TEC: variants seen among roughly 807,000 people sequenced by gnomAD.
TEC encodes tec protein tyrosine kinase.
TEC carries 72 observed loss-of-function variants against 93.0 expected under a neutral mutation model. The ratio of observed to expected loss-of-function variants is 0.77; its 90% CI spans 0.64 to 0.94. The LOEUF (loss-of-function observed/expected upper bound fraction) is 0.94. Among genes scored for constraint, TEC ranks in the 40% least tolerant of loss-of-function variants. The pLI is 0.00. For synonymous variants in TEC, 249 were observed against 247.7 expected, an observed-to-expected ratio of 1.01 and a Z score of -0.05; for missense variants, 630 against 757.9, an observed-to-expected ratio of 0.83 and a Z score of 1.98.
chr4:48,168,947 A>G (rs567985819), intron 5 of TEC, among the ~76,000 whole-genome samples: 1 of 152,336 alleles, frequency 6.6e-6, no homozygotes, highest in South Asian at 2.1e-4. Context: ...AATCATGACA[A>G]CACTGAGAAA....
chr4:48,231,768 A>G (rs1723654556), intron 1 of TEC, among the ~76,000 whole-genome samples: 1 of 152,144 alleles, frequency 6.6e-6, no homozygotes, highest in Non-Finnish European at 1.5e-5. Context: ...AAAAAAAACA[A>G]CAAAGAATGG....
intron 7 of TEC, among the ~76,000 whole-genome samples, chr4:48,164,941 T>C (rs2109538110): frequency 6.6e-6 from 1 of 151,664 alleles, no homozygotes; most frequent in Non-Finnish European, 1.5e-5. Context: ...AGGCGGAGGT[T>C]GAAATGAGCC....
At chr4:48,250,807 C>T (rs564220698) in intron 1 of TEC, among the ~76,000 whole-genome samples, 1 of 152,292 alleles carries the variant, frequency 6.6e-6, no homozygotes, top group African/African-American at 2.4e-5. Flanking sequence ...CATGGGCAAG[C>T]CCAGTTAAGA....
intron 2 of TEC, among the ~76,000 whole-genome samples, chr4:48,225,682 C>T (rs1450642639): frequency 6.6e-6 from 1 of 151,906 alleles, no homozygotes; most frequent in Non-Finnish European, 1.5e-5. Flanking sequence ...TTTAAGAAGC[C>T]AGATTCTTAC....
intron 1 of TEC, among the ~76,000 whole-genome samples, chr4:48,253,653 C>A (rs2109671833): frequency 6.8e-6 from 1 of 147,906 alleles, no homozygotes; most frequent in East Asian, 2.0e-4. Flanking sequence ...CTTACTGCAA[C>A]CTCCTCCACC....
chr4:48,202,887 A>T (rs1471527726), intron 2 of TEC, among the ~76,000 whole-genome samples: 1 of 152,240 alleles, frequency 6.6e-6, no homozygotes, highest in Non-Finnish European at 1.5e-5. Flanking sequence ...TCCTAACTAT[A>T]GAAAAGAACA....
chr4:48,160,950 C>A (rs1194237577), intron 8 of TEC, among the ~76,000 whole-genome samples: 1 of 150,684 alleles, frequency 6.6e-6, no homozygotes, highest in Non-Finnish European at 1.5e-5. Context: ...GAGGCTAATA[C>A]CTTTTGATGA....
chr4:48,184,297 A>C (rs575733550), intron 2 of TEC, among the ~76,000 whole-genome samples: 1 of 152,362 alleles, frequency 6.6e-6, no homozygotes, highest in Admixed American at 6.5e-5. Context: ...ACCTATACCT[A>C]AGTAACTTGG....
At chr4:48,201,345 G>T (rs1401721763) in intron 2 of TEC, among the ~76,000 whole-genome samples, 1 of 152,142 alleles carries the variant, frequency 6.6e-6, no homozygotes, top group Non-Finnish European at 1.5e-5. Flanking sequence ...TAGATATCAG[G>T]CTGGGAAACA....
At chr4:48,267,049 T>C (rs1158051539) in intron 1 of TEC, among the ~76,000 whole-genome samples, 1 of 152,130 alleles carries the variant, frequency 6.6e-6, no homozygotes, top group East Asian at 1.9e-4. Flanking sequence ...AATCAAGAAG[T>C]ATCAACTATA....
intron 1 of TEC, among the ~76,000 whole-genome samples, chr4:48,248,254 C>T (rs1724110840): frequency 6.6e-6 from 1 of 152,184 alleles, no homozygotes; most frequent in South Asian, 2.1e-4. Flanking sequence ...CATGATTCTG[C>T]AGGTCAGTTG....
intron 3 of TEC, among the ~76,000 whole-genome samples, 176 bp downstream of exon 3, chr4:48,175,906 A>G (rs988490820): frequency 6.6e-6 from 1 of 152,216 alleles, no homozygotes; most frequent in African/African-American, 2.4e-5. Context: ...CAACTCCTTA[A>G]GAATCAGAAA....
chr4:48,148,497 C>G (rs527620421), intron 11 of TEC, among the ~76,000 whole-genome samples: 1 of 152,242 alleles, frequency 6.6e-6, no homozygotes, highest in African/African-American at 2.4e-5. Flanking sequence ...TGTTCCCACT[C>G]TGGTGGTAAG....
intron 2 of TEC, among the ~76,000 whole-genome samples, chr4:48,222,144 T>C (rs570592186): frequency 6.6e-6 from 1 of 152,226 alleles, no homozygotes; most frequent in East Asian, 1.9e-4. Flanking sequence ...ATAAAATAGA[T>C]GGTGGCTGGA....
At chr4:48,201,820 G>A (rs1208269704) in intron 2 of TEC, among the ~76,000 whole-genome samples, 1 of 152,178 alleles carries the variant, frequency 6.6e-6, no homozygotes, top group African/African-American at 2.4e-5. Flanking sequence ...CTCCATGCCA[G>A]AGGAGGGGAG....
rs1415938446 is a variant in TEC at position 48,137,278 on chromosome 4, T to G, written c.*138A>C. The stretch of plus-strand genomic sequence containing the variant: ...AGAAGCAAGTCTAGACAGAGGCTGG[T>G]CTAGAAGCAAATTATTTATGTGTTT... On this transcript the variant is annotated 3_prime_UTR_variant, in exon 18 of 18. Transcript: ENST00000381501. 4.4e-4 allele frequency: 285 copies of G among 650,388 alleles called. 1 individual carries two copies. Among genetic ancestry groups the G allele is most frequent in the East Asian group, 2.9e-5 (1 of 34,368 alleles). The allele number at this position is 650,388 out of a possible 1,614,324, so 40.3% of individuals were successfully genotyped here. A position where few individuals can be genotyped will look rare whatever the true frequency, so the allele number is the denominator to read the frequency against.
At chr4:48,147,360 A>G (rs1053228608) in intron 11 of TEC, among the ~76,000 whole-genome samples, 5 of 152,224 alleles carry the variant, frequency 3.3e-5, no homozygotes, top group African/African-American at 4.8e-5. Context: ...ACAAATGTGG[A>G]AACAACCCAA....
At chr4:48,190,045 T>C (rs1299515465) in intron 2 of TEC, among the ~76,000 whole-genome samples, 1 of 152,210 alleles carries the variant, frequency 6.6e-6, no homozygotes, top group Non-Finnish European at 1.5e-5. Flanking sequence ...AGTAGGGTGC[T>C]AACTACCACC....
chr4:48,167,297 ATATT>A (rs1720907312), intron 7 of TEC, among the ~76,000 whole-genome samples: 1 of 152,138 alleles, frequency 6.6e-6, no homozygotes, highest in Non-Finnish European at 1.5e-5. Context: ...ACATATATAT[ATATT>A]CTCTTATTCC....
Sources: allele counts gnomAD v4.1 joint callset (sites outside exome capture counted in the v4.1 genomes callset), GRCh38; gene constraint gnomAD v4.1.1; transcripts MANE v1.5; gene names NCBI Gene and HGNC (gene_info 2026-07-23, HGNC 2026-07-21).